SLC14A2: variants seen among roughly 807,000 people sequenced by gnomAD.
The protein encoded by SLC14A2 is urea transporter 2.
A neutral mutation model predicts 104.6 loss-of-function variants in SLC14A2; 91 were observed. The observed-to-expected ratio is 0.87, with a 90% CI of 0.73 to 1.04. The LOEUF is 1.04. SLC14A2 is among the 50% of genes least tolerant of loss of function. SLC14A2 has a pLI of 0.00. For synonymous variants in SLC14A2, 476 were observed against 466.4 expected (o/e 1.02, Z -0.27); for missense variants, 1,189 against 1,156.0 (o/e 1.03, Z -0.41).
At position 45,258,146 on chromosome 18, in the gene SLC14A2, C is replaced by G. The variant is rs767116579; in HGVS notation, c.-125+44955C>G. Among the ~76,000 whole-genome samples, 36 of 102,844 alleles carry G rather than the reference C, an allele frequency of 3.5e-4. 2 individuals are homozygous for G. The highest frequency in any genetic ancestry group is 6.4e-4 in the Non-Finnish European group (31 of 48,774). 67.5% of individuals were successfully genotyped at this position (102,844 alleles called of 152,430 possible). A position where few individuals can be genotyped will look rare whatever the true frequency, so the allele number is the denominator to read the frequency against. On this transcript the variant is annotated intron_variant, in intron 1 of 20. Transcript: ENST00000586448. Reference sequence around the variant, plus strand: ...CCCAAGGCATAAAAGGCATAAATCACTTTTCCAAGGTCACCTGTTGTTACT... The same window carrying G: ...CCCAAGGCATAAAAGGCATAAATCAGTTTTCCAAGGTCACCTGTTGTTACT...
At chr18:45,442,527 A>G (rs968145937) in intron 1 of SLC14A2, among the ~76,000 whole-genome samples, 1 of 152,094 alleles carries the variant, frequency 6.6e-6, no homozygotes, top group African/African-American at 2.4e-5. Flanking sequence ...CTATATCCAA[A>G]TTTCCTCTTT....
rs145096601 is a variant in SLC14A2 at position 45,595,712 on chromosome 18, T to C, written c.-34-28919T>C. Reference sequence around the variant, plus strand: ...TTTCCTAGGAGGGTTGCTGTGAGGATTAGAACCAAGAAATGCTCTCAGACA... The same window carrying C: ...TTTCCTAGGAGGGTTGCTGTGAGGACTAGAACCAAGAAATGCTCTCAGACA... On this transcript the variant is annotated intron_variant, in intron 2 of 20. Transcript: ENST00000586448. 8.8e-3 allele frequency among the ~76,000 whole-genome samples: 1,345 copies of C among 152,224 alleles called. 25 individuals carry two copies. Among genetic ancestry groups the C allele is most frequent in the African/African-American group, 0.031 (1,276 of 41,524 alleles).
chr18:45,460,689 C>T (rs903565615), intron 1 of SLC14A2, among the ~76,000 whole-genome samples: 4 of 152,142 alleles, frequency 2.6e-5, no homozygotes, highest in African/African-American at 9.7e-5. Context: ...ATTCCATTTA[C>T]AATCCCTCTC....
At chr18:45,558,910 C>T (rs1759468095) in intron 2 of SLC14A2, among the ~76,000 whole-genome samples, 1 of 152,208 alleles carries the variant, frequency 6.6e-6, no homozygotes, top group Non-Finnish European at 1.5e-5. Flanking sequence ...TCTGCCTCAG[C>T]CTCCAGAGTA....
intron 2 of SLC14A2, among the ~76,000 whole-genome samples, chr18:45,601,839 A>G (rs1433663972): frequency 2.6e-5 from 4 of 152,236 alleles, no homozygotes; most frequent in South Asian, 2.1e-4. Context: ...CAGCTGAACT[A>G]TGGTGACTTA....
At chr18:45,603,463 A>G (rs1254634627) in intron 2 of SLC14A2, among the ~76,000 whole-genome samples, 1 of 152,102 alleles carries the variant, frequency 6.6e-6, no homozygotes, top group Non-Finnish European at 1.5e-5. Flanking sequence ...ATAGTGTATT[A>G]CATTGAATTA....
intron 2 of SLC14A2, chr18:45,485,164 A>C (rs1175398014): frequency 6.6e-6 from 1 of 152,200 alleles, no homozygotes; most frequent in African/African-American, 2.4e-5. Context: ...CTGACCCTCA[A>C]GGAGACCAAG....
intron 1 of SLC14A2, among the ~76,000 whole-genome samples, chr18:45,235,938 TAC>T (rs1231059173): frequency 2.7e-5 from 3 of 110,854 alleles, no homozygotes; most frequent in East Asian, 2.2e-4. Context: ...TATGTATATA[TAC>T]ATATATGTGT....
the SLC14A2 span, among the ~76,000 whole-genome samples, chr18:45,184,487 A>G: frequency 6.6e-6 from 1 of 152,328 alleles, no homozygotes; most frequent in Non-Finnish European, 1.5e-5. Flanking sequence ...ACAGTACTTA[A>G]TTATTTAGAA....
At chr18:45,299,397 G>GTGCACACACACATGTGCGCA (rs1458137346) in intron 1 of SLC14A2, among the ~76,000 whole-genome samples, 75 of 152,338 alleles carry the variant, frequency 4.9e-4, no homozygotes, top group African/African-American at 5.8e-4. Context: ...AAAGCCAGGG[G>GTGCACACACACATGTGCGCA]TGCACACACA....
Position 45,373,525 on chromosome 18 carries a change from G to A in SLC14A2, c.-124-109708G>A, listed in dbSNP as rs531203874. Reference sequence around the variant, plus strand: ...ATTAATCACCTACATGCTCCCTCTGGAGCCAACTTCAGGCTACTCTCAGAT... The same window carrying A: ...ATTAATCACCTACATGCTCCCTCTGAAGCCAACTTCAGGCTACTCTCAGAT... On this transcript the variant is annotated intron_variant, in intron 1 of 20. Transcript: ENST00000586448. Among the ~76,000 whole-genome samples the A allele has an allele frequency of 2.0e-5, 3 of 152,122 alleles. No individual in the cohort carries two copies. The South Asian group carries it at 6.2e-4, about 32-fold the overall frequency.
At chr18:45,657,424 T>C (rs1230679024) in intron 10 of SLC14A2, among the ~76,000 whole-genome samples, 1 of 143,790 alleles carries the variant, frequency 7.0e-6, no homozygotes, top group Non-Finnish European at 1.5e-5. Context: ...GAGGCGGAGG[T>C]TGCAGTGAGC....
At chr18:45,597,330 A>T (rs1218683045) in intron 2 of SLC14A2, among the ~76,000 whole-genome samples, 1 of 151,904 alleles carries the variant, frequency 6.6e-6, no homozygotes, top group East Asian at 1.9e-4. Context: ...TCCATCTCAA[A>T]AAAAAAAGAA....
chr18:45,182,250 C>A, the SLC14A2 span, among the ~76,000 whole-genome samples: 3 of 151,494 alleles, frequency 2.0e-5, no homozygotes, highest in South Asian at 6.3e-4. Context: ...AAAATAATCA[C>A]AATAAATGAC....
intron 1 of SLC14A2, among the ~76,000 whole-genome samples, chr18:45,292,259 A>G (rs1354331486): frequency 6.6e-6 from 1 of 152,168 alleles, no homozygotes; most frequent in Non-Finnish European, 1.5e-5. Flanking sequence ...CTTCATAAAG[A>G]GAGACATTGA....
At chr18:45,313,778 G>A (rs1367592528) in intron 1 of SLC14A2, among the ~76,000 whole-genome samples, 2 of 152,110 alleles carry the variant, frequency 1.3e-5, no homozygotes, top group Non-Finnish European at 2.9e-5. Flanking sequence ...TTACCATTTA[G>A]GATTTTTCAA....
At chr18:45,575,300 T>A (rs2852280) in intron 2 of SLC14A2, among the ~76,000 whole-genome samples, 134,753 of 152,106 alleles carry the variant, frequency 0.89, 60,095 homozygotes, top group Middle Eastern at 0.95. Context: ...TGCCCCTGTC[T>A]TTCTCCCCAT....
At chr18:45,284,318 A>G (rs1438910010) in intron 1 of SLC14A2, among the ~76,000 whole-genome samples, 2 of 152,144 alleles carry the variant, frequency 1.3e-5, no homozygotes, top group Non-Finnish European at 2.9e-5. Flanking sequence ...GATTTCCATG[A>G]CATCTGGCTT....
At chr18:45,395,400 G>A (rs923252374) in intron 1 of SLC14A2, among the ~76,000 whole-genome samples, 9 of 152,176 alleles carry the variant, frequency 5.9e-5, no homozygotes, top group Non-Finnish European at 1.0e-4. Context: ...TGGAGGCTGA[G>A]TAGAATGGGA....
Sources: gnomAD v4.1 joint callset for allele counts (sites outside exome capture counted in the v4.1 genomes callset) on GRCh38, gnomAD v4.1.1 for gene constraint, MANE v1.5 for transcripts, NCBI Gene and HGNC (gene_info 2026-07-23, HGNC 2026-07-21) for gene names.